Variants in ZNF609 observed in about 807,000 individuals in gnomAD.
ZNF609 encodes zinc finger protein 609.
In ZNF609, 11 loss-of-function variants were observed where a neutral mutation model predicts 109.5. That is an observed-to-expected ratio of 0.10 (90% CI 0.06 to 0.17). ZNF609 has a LOEUF of 0.17. Ranked by LOEUF, ZNF609 falls within the 10% of genes least tolerant of loss-of-function variation. The pLI is 1.00. For missense variants in ZNF609, 1,559 were observed against 1,772.4 expected (o/e 0.88, Z 2.16); for synonymous variants, 646 against 662.0 (o/e 0.98, Z 0.37).
chr15:64,466,662 A>G (rs1893019608), intron 1 of ZNF609, among the ~76,000 whole-genome samples: 2 of 152,174 alleles, frequency 1.3e-5, no homozygotes, highest in South Asian at 2.1e-4. Context: ...ATTGTTTAGT[A>G]TTCACTTCTA....
chr15:64,635,536 ACT>A (rs1246558913), intron 3 of ZNF609, among the ~76,000 whole-genome samples: 1 of 151,758 alleles, frequency 6.6e-6, no homozygotes, highest in Non-Finnish European at 1.5e-5. Context: ...GATATTTACA[ACT>A]CTGTAATCAT....
chr15:64,610,210 G>A (rs2140959821), intron 2 of ZNF609, among the ~76,000 whole-genome samples: 1 of 152,078 alleles, frequency 6.6e-6, no homozygotes, highest in African/African-American at 2.4e-5. Flanking sequence ...AACCAACGCA[G>A]AAACAGAAAA....
At position 64,544,044 on chromosome 15, in the gene ZNF609, T is replaced by A. The variant is rs536736461; in HGVS notation, c.747+43878T>A. ...GAAAAAAAATCCATACAGCAGAAAA[T>A]TTTTCAACTTTGAGGCCAGGCATGA... On this transcript the variant is annotated intron_variant, in intron 2 of 9. Coordinates refer to ENST00000326648, the MANE Select transcript of ZNF609 (RefSeq NM_015042.2). 5.9e-5 allele frequency among the ~76,000 whole-genome samples: 9 copies of A among 152,104 alleles called. No individual in the cohort carries two copies. The South Asian group carries it at 1.0e-3, about 18-fold the overall frequency.
At chr15:64,466,508 A>G (rs1164568757) in intron 1 of ZNF609, among the ~76,000 whole-genome samples, 2 of 152,204 alleles carry the variant, frequency 1.3e-5, no homozygotes, top group Admixed American at 6.5e-5. Flanking sequence ...CCACAGCCCA[A>G]GTGGAGTGAA....
At chr15:64,532,690 G>A (rs1233944824) in intron 2 of ZNF609, among the ~76,000 whole-genome samples, 1 of 152,186 alleles carries the variant, frequency 6.6e-6, no homozygotes, top group East Asian at 1.9e-4. Context: ...TTTATGGTGA[G>A]CTTCACAGCG....
chr15:64,667,712 C>CA (rs5813318), intron 3 of ZNF609, among the ~76,000 whole-genome samples: 16,460 of 145,776 alleles, frequency 0.11, 2,176 homozygotes, highest in East Asian at 0.79. Flanking sequence ...AACTCTGTCT[C>CA]AAAAAAAAAA....
At chr15:64,582,783 G>T (rs775527248) in intron 2 of ZNF609, among the ~76,000 whole-genome samples, 1 of 92,918 alleles carries the variant, frequency 1.1e-5, no homozygotes, top group African/African-American at 4.1e-5. Flanking sequence ...ACAGAGTCTC[G>T]CTTTGTCACC....
intron 3 of ZNF609, among the ~76,000 whole-genome samples, chr15:64,630,191 C>T (rs1667804283): frequency 1.3e-5 from 2 of 151,128 alleles, no homozygotes; most frequent in Non-Finnish European, 2.9e-5. Flanking sequence ...TCTGCCTCAG[C>T]CTCCCAAGTA....
In ZNF609 at chr15:64,500,566, C is replaced by A. The variant is rs963823019; in HGVS notation, c.747+400C>A. ...GACTCATAATAGTTGATAAACAATA[C>A]GCCTTTGGTGATAATGTAGATTGAG... On this transcript the variant is annotated intron_variant, in intron 2 of 9. Transcript: ENST00000326648. 1.5e-5 allele frequency: 9 copies of A among 604,228 alleles called. No individual in the cohort carries two copies. The Admixed American group carries it at 2.3e-4, about 16-fold the overall frequency. 37.4% of individuals were successfully genotyped at this position (604,228 alleles called of 1,614,324 possible).
At chr15:64,547,816 T>C (rs1186743029) in intron 2 of ZNF609, among the ~76,000 whole-genome samples, 2 of 152,116 alleles carry the variant, frequency 1.3e-5, no homozygotes, top group Admixed American at 1.3e-4. Context: ...TAATAAATAT[T>C]AAGCATGAAA....
intron 2 of ZNF609, among the ~76,000 whole-genome samples, chr15:64,608,334 T>C (rs1164103381): frequency 6.6e-6 from 1 of 152,222 alleles, no homozygotes; most frequent in Non-Finnish European, 1.5e-5. Context: ...AGTACTCTCA[T>C]GTACCATGTA....
At chr15:64,536,916 G>GAAAAAAAAAA (rs60594462) in intron 2 of ZNF609, among the ~76,000 whole-genome samples, 1 of 55,412 alleles carries the variant, frequency 1.8e-5, no homozygotes, top group Non-Finnish European at 3.1e-5. Flanking sequence ...TCTCAAAAAA[G>GAAAAAAAAAA]AAAAAAAAAA....
intron 3 of ZNF609, among the ~76,000 whole-genome samples, chr15:64,667,444 A>G (rs1896666375): frequency 6.6e-6 from 1 of 152,138 alleles, no homozygotes. Context: ...TGTGGTGGCT[A>G]ACACCTGTAA....
intron 2 of ZNF609, among the ~76,000 whole-genome samples, chr15:64,599,168 G>GTTTTTT (rs556122154): frequency 1.4e-3 from 67 of 46,486 alleles, no homozygotes; most frequent in East Asian, 2.7e-3. Flanking sequence ...TTTTGTGGTG[G>GTTTTTT]TTTTTTTTTT....
rs1339798785 is a variant in ZNF609, at chr15:64,681,324, C to A, written c.4178C>A (p.Ala1393Asp). The change falls in exon 9 of 10, where the codon GCC becomes GAC. Residue 1393 changes from alanine to aspartate, a missense_variant. Ala to Asp is a moderately radical substitution (Grantham distance 126). Transcript: ENST00000326648. ...LPYAAGLSST[A>D]IVASQQGSTP... is the part of the protein sequence containing the mutation. ...GCTTATTCAGGGCTTTCTTCTACAG[C>A]CATTGTTGCCAGCCAACAAGGCTCA... 6.2e-7 allele frequency: 1 copy of A among 1,613,912 alleles called. No individual in the cohort carries two copies. The highest frequency in any genetic ancestry group is 2.2e-5 in the East Asian group (1 of 44,892).
chr15:64,495,606 G>A (rs1352086954), intron 1 of ZNF609, among the ~76,000 whole-genome samples: 1 of 151,918 alleles, frequency 6.6e-6, no homozygotes, highest in African/African-American at 2.4e-5. Context: ...TCGTCATGCT[G>A]GCTAGGCTGA....
intron 6 of ZNF609, among the ~76,000 whole-genome samples, chr15:64,678,980 CAAGT>C (rs924552316): frequency 1.3e-5 from 2 of 152,332 alleles, no homozygotes; most frequent in African/African-American, 4.8e-5. Flanking sequence ...GTTCACCTGT[CAAGT>C]AAGAAGAGCC....
intron 2 of ZNF609, among the ~76,000 whole-genome samples, chr15:64,517,797 T>G (rs1002393202): frequency 3.3e-5 from 5 of 151,492 alleles, no homozygotes; most frequent in African/African-American, 9.7e-5. Context: ...ATATTATTAT[T>G]ATTATTTTTA....
chr15:64,463,661 C>G (rs1013120806), intron 1 of ZNF609, among the ~76,000 whole-genome samples: 37 of 152,188 alleles, frequency 2.4e-4, no homozygotes, highest in Non-Finnish European at 4.6e-4. Context: ...CAGTGAGTTT[C>G]TTTAAATGAT....
Sources: gnomAD v4.1 joint callset for allele counts (sites outside exome capture counted in the v4.1 genomes callset) on GRCh38, gnomAD v4.1.1 for gene constraint, MANE v1.5 for transcripts, NCBI Gene and HGNC (gene_info 2026-07-23, HGNC 2026-07-21) for gene names.